PPM1H: variants seen among roughly 807,000 people sequenced by gnomAD.
PPM1H encodes the protein protein phosphatase 1H.
PPM1H carries 27 observed loss-of-function variants against 54.9 expected under a neutral mutation model. The observed-to-expected ratio is 0.49, with a 90% CI of 0.36 to 0.68. The LOEUF (loss-of-function observed/expected upper bound fraction) is 0.68, where lower values mean the gene tolerates loss of function less well. Ranked by LOEUF, PPM1H falls within the 30% of genes least tolerant of loss-of-function variation. The probability of loss-of-function intolerance (pLI) is 0.00; values close to 1 mark genes in which losing one functional copy is unlikely to be tolerated. For missense variants in PPM1H, 596 were observed against 667.8 expected (o/e 0.89, Z 1.19); for synonymous variants, 305 against 270.8 (o/e 1.13, Z -1.24).
intron 1 of PPM1H, among the ~76,000 whole-genome samples, chr12:62,854,095 A>G (rs994212148): frequency 1.3e-5 from 2 of 152,196 alleles, no homozygotes; most frequent in Non-Finnish European, 2.9e-5. Flanking sequence ...AAAAACCGTC[A>G]TTTTCTGTTT....
intron 8 of PPM1H, among the ~76,000 whole-genome samples, chr12:62,674,737 G>A (rs1015189429): frequency 6.6e-6 from 1 of 152,366 alleles, no homozygotes; most frequent in South Asian, 2.1e-4. Context: ...TTGGATGGAC[G>A]AGCTGGACAT....
chr12:62,681,808 C>T (rs961808553), intron 8 of PPM1H, among the ~76,000 whole-genome samples: 2 of 152,176 alleles, frequency 1.3e-5, no homozygotes, highest in African/African-American at 4.8e-5. Context: ...TCAGTAAACA[C>T]CACCGGACTC....
At chr12:62,649,369 T>G (rs920404935) in intron 9 of PPM1H, among the ~76,000 whole-genome samples, 1 of 152,140 alleles carries the variant, frequency 6.6e-6, no homozygotes, top group African/African-American at 2.4e-5. Context: ...AACTGTAAGC[T>G]TAAGGAGAAA....
At chr12:62,907,250 C>G (rs1255588405) in intron 1 of PPM1H, among the ~76,000 whole-genome samples, 1 of 152,230 alleles carries the variant, frequency 6.6e-6, no homozygotes, top group African/African-American at 2.4e-5. Context: ...TCACTGAGCA[C>G]CAGCATGTGC....
chr12:62,683,264 C>T (rs1479443009), intron 8 of PPM1H, among the ~76,000 whole-genome samples: 1 of 151,918 alleles, frequency 6.6e-6, no homozygotes, highest in Non-Finnish European at 1.5e-5. Flanking sequence ...TGAAGACCTC[C>T]AGAAGCCGGT....
chr12:62,869,042 C>T (rs1394263291), intron 1 of PPM1H, among the ~76,000 whole-genome samples: 1 of 152,190 alleles, frequency 6.6e-6, no homozygotes, highest in Non-Finnish European at 1.5e-5. Flanking sequence ...CACACAGTCA[C>T]ACAGATAACA....
At chr12:62,760,737 G>A (rs1234176093) in intron 4 of PPM1H, among the ~76,000 whole-genome samples, 2 of 152,124 alleles carry the variant, frequency 1.3e-5, no homozygotes, top group African/African-American at 4.8e-5. Context: ...ATTTAACCTG[G>A]AGCGACTTAA....
At chr12:62,859,385 C>G (rs1869515406) in intron 1 of PPM1H, among the ~76,000 whole-genome samples, 1 of 152,136 alleles carries the variant, frequency 6.6e-6, no homozygotes, top group Non-Finnish European at 1.5e-5. Flanking sequence ...AAGCAAGATG[C>G]CCAAATGTCT....
chr12:62,776,280 C>T (rs1438242620), intron 4 of PPM1H, among the ~76,000 whole-genome samples: 2 of 152,166 alleles, frequency 1.3e-5, no homozygotes, highest in African/African-American at 4.8e-5. Context: ...TACTCTAAGA[C>T]TCTATCCCCC....
intron 9 of PPM1H, among the ~76,000 whole-genome samples, chr12:62,661,915 C>T (rs1207899591): frequency 3.3e-5 from 5 of 152,132 alleles, no homozygotes; most frequent in Admixed American, 6.5e-5. Flanking sequence ...ACTGTGTTCC[C>T]CTTGCAATTT....
At chr12:62,891,688 TAA>T (rs1870801989) in intron 1 of PPM1H, among the ~76,000 whole-genome samples, 1 of 152,206 alleles carries the variant, frequency 6.6e-6, no homozygotes, top group South Asian at 2.1e-4. Flanking sequence ...TTAGAATAAC[TAA>T]GACTCATATC....
At chr12:62,818,175 C>A (rs2076881960) in intron 2 of PPM1H, among the ~76,000 whole-genome samples, 1 of 152,210 alleles carries the variant, frequency 6.6e-6, no homozygotes, top group Non-Finnish European at 1.5e-5. Flanking sequence ...AGTACACGCA[C>A]TTCTTAACAC....
intron 1 of PPM1H, among the ~76,000 whole-genome samples, chr12:62,923,699 G>C (rs1432222557): frequency 6.6e-6 from 1 of 152,150 alleles, no homozygotes; most frequent in Non-Finnish European, 1.5e-5. Flanking sequence ...ACTGAGCCTG[G>C]CCGAAAATTT....
intron 1 of PPM1H, among the ~76,000 whole-genome samples, chr12:62,892,257 T>C (rs982255093): frequency 1.3e-5 from 2 of 152,234 alleles, no homozygotes; most frequent in Non-Finnish European, 2.9e-5. Flanking sequence ...ATTGATGTTC[T>C]ACGCTTCAAC....
chr12:62,761,789 T>C (rs755679303), intron 4 of PPM1H, among the ~76,000 whole-genome samples: 1 of 152,224 alleles, frequency 6.6e-6, no homozygotes, highest in Non-Finnish European at 1.5e-5. Context: ...AGAGTCATTC[T>C]AGGCCACAGC....
At position 62,908,422 on chromosome 12, in the gene PPM1H, A is replaced by AAG. The variant is rs1555205220; in HGVS notation, c.245+26069_245+26070insCT. ...GACTCCGTCTCAAAAAAAAAAAAAA[A>AAG]AAAGAAAGAAAGAAAGAAATTGAGT... On this transcript the variant is annotated intron_variant, in intron 1 of 9. Transcript: ENST00000228705. Among the ~76,000 whole-genome samples the AAG allele has an allele frequency of 6.4e-3, 862 of 134,184 alleles. 8 individuals are homozygous for AAG. Among genetic ancestry groups the AAG allele is most frequent in the African/African-American group, 0.021 (830 of 38,760 alleles). The allele number at this position is 134,184 out of a possible 152,430, so 88.0% of individuals were successfully genotyped here. A position where few individuals can be genotyped will look rare whatever the true frequency, so the allele number is the denominator to read the frequency against.
At chr12:62,664,622 CACATT>C (rs1284240511) in intron 9 of PPM1H, among the ~76,000 whole-genome samples, 2 of 152,218 alleles carry the variant, frequency 1.3e-5, no homozygotes, top group African/African-American at 4.8e-5. Flanking sequence ...TTTTAACCCA[CACATT>C]AGACATTCTT....
In PPM1H at chr12:62,723,804, C is replaced by T. The variant is rs147759074; in HGVS notation, c.955-3515G>A. ...ATTAACAAACAGGTAAGAATCCAAA[C>T]GACATTCCTGAGCACATTTCTTAAC... is the stretch of plus-strand genomic sequence containing the variant. On this transcript the variant is annotated intron_variant, in intron 5 of 9. Coordinates refer to ENST00000228705, the MANE Select transcript of PPM1H (RefSeq NM_020700.2). Among the ~76,000 whole-genome samples the T allele has an allele frequency of 2.0e-4, 30 of 152,240 alleles. No individual in the cohort carries two copies. The East Asian group carries it at 2.9e-3, about 15-fold the overall frequency.
chr12:62,884,501 CAAAAAAAA>C (rs6144736), intron 1 of PPM1H, among the ~76,000 whole-genome samples: 1 of 89,998 alleles, frequency 1.1e-5, no homozygotes, highest in Non-Finnish European at 2.3e-5. Flanking sequence ...AACTCCATAT[CAAAAAAAA>C]AAAAAAAAAG....
Sources: gnomAD v4.1 joint callset for allele counts (sites outside exome capture counted in the v4.1 genomes callset) on GRCh38, gnomAD v4.1.1 for gene constraint, MANE v1.5 for transcripts, NCBI Gene and HGNC (gene_info 2026-07-23, HGNC 2026-07-21) for gene names.